ACTR3C: variants seen among roughly 807,000 people sequenced by gnomAD.
The protein encoded by ACTR3C is actin related protein 3C.
In ACTR3C, 18 loss-of-function variants were observed where a neutral mutation model predicts 26.3. The observed-to-expected ratio is 0.68, with a 90% CI of 0.47 to 1.01. ACTR3C has a LOEUF of 1.01. Among genes scored for constraint, ACTR3C ranks in the 50% least tolerant of loss-of-function variants. The pLI, the probability that ACTR3C is intolerant of heterozygous loss-of-function variation, is 0.00. For missense variants in ACTR3C, 184 were observed against 250.7 expected, an observed-to-expected ratio of 0.73 and a Z score of 1.80; for synonymous variants, 55 against 94.5, an observed-to-expected ratio of 0.58 and a Z score of 2.42.
the ACTR3C span, among the ~76,000 whole-genome samples, chr7:149,989,869 T>C: frequency 6.6e-6 from 1 of 152,196 alleles, no homozygotes; most frequent in African/African-American, 2.4e-5. Context: ...CTATTTTCCA[T>C]ATGGCTGTAA....
At chr7:149,968,037 G>A in the ACTR3C span, among the ~76,000 whole-genome samples, 1 of 152,172 alleles carries the variant, frequency 6.6e-6, no homozygotes, top group African/African-American at 2.4e-5. Context: ...CTAAGCTAAC[G>A]CTGGGAACTG....
At chr7:150,299,642 T>A (rs1276042295) in intron 1 of ACTR3C, among the ~76,000 whole-genome samples, 1 of 151,656 alleles carries the variant, frequency 6.6e-6, no homozygotes, top group Non-Finnish European at 1.5e-5. Context: ...AAAAATTAGC[T>A]GGGCGTGGTG....
chr7:149,961,264 A>G, the ACTR3C span, among the ~76,000 whole-genome samples: 1 of 151,840 alleles, frequency 6.6e-6, no homozygotes, highest in Non-Finnish European at 1.5e-5. Context: ...GTGTATACTC[A>G]CAGGAAGTGT....
chr7:150,278,179 C>G (rs1173380564), intron 6 of ACTR3C, among the ~76,000 whole-genome samples: 1 of 152,218 alleles, frequency 6.6e-6, no homozygotes, highest in African/African-American at 2.4e-5. Context: ...CAACACAGAT[C>G]CTGCTGCTGG....
chr7:150,073,748 T>C, the ACTR3C span: 1 of 151,560 alleles, frequency 6.6e-6, no homozygotes, highest in Non-Finnish European at 1.5e-5. Context: ...AGGTATCTCA[T>C]TTGTTTATAT....
At chr7:150,086,728 C>T in the ACTR3C span, among the ~76,000 whole-genome samples, 1 of 152,278 alleles carries the variant, frequency 6.6e-6, no homozygotes, top group South Asian at 2.1e-4. Context: ...GGAGGTGGCC[C>T]TCGGTGGCTG....
the ACTR3C span, among the ~76,000 whole-genome samples, chr7:149,907,682 T>C: frequency 2.0e-5 from 3 of 151,556 alleles, no homozygotes; most frequent in African/African-American, 7.3e-5. Flanking sequence ...TCGCTTCCCG[T>C]CTCTATTAAT....
At chr7:150,147,351 AAAAG>A in the ACTR3C span, among the ~76,000 whole-genome samples, 2 of 152,208 alleles carry the variant, frequency 1.3e-5, no homozygotes, top group Non-Finnish European at 2.9e-5. Flanking sequence ...TATGAAGAAA[AAAAG>A]AGGCCAAAAA....
At chr7:150,216,625 C>G in the ACTR3C span, among the ~76,000 whole-genome samples, 4 of 151,686 alleles carry the variant, frequency 2.6e-5, no homozygotes, top group Non-Finnish European at 5.9e-5. Flanking sequence ...AACAATTATC[C>G]CATCCTACTC....
chr7:150,158,887 C>T, the ACTR3C span, among the ~76,000 whole-genome samples: 29 of 149,746 alleles, frequency 1.9e-4, no homozygotes, highest in Admixed American at 1.3e-3. Flanking sequence ...TGCACACAGA[C>T]GCACAAGGCA....
At chr7:150,183,582 A>T in the ACTR3C span, among the ~76,000 whole-genome samples, 1 of 149,166 alleles carries the variant, frequency 6.7e-6, no homozygotes, top group African/African-American at 2.6e-5. Context: ...TGTAAGTTTT[A>T]ATTGTCATTT....
the ACTR3C span, among the ~76,000 whole-genome samples, chr7:150,038,833 A>C: frequency 1.4e-3 from 192 of 135,256 alleles, 1 homozygote; most frequent in Middle Eastern, 4.0e-3. Flanking sequence ...TGGGGGTCCT[A>C]AGAGCCAGTG....
the ACTR3C span, among the ~76,000 whole-genome samples, chr7:150,065,813 A>C: frequency 2.0e-5 from 3 of 150,876 alleles, no homozygotes; most frequent in South Asian, 6.4e-4. Flanking sequence ...AACTGGCCAA[A>C]CAAATTAATG....
chr7:150,219,875 A>G, the ACTR3C span, among the ~76,000 whole-genome samples: 1 of 144,684 alleles, frequency 6.9e-6, no homozygotes, highest in Non-Finnish European at 1.5e-5. Flanking sequence ...CTGATTGTGA[A>G]AGGGGGAGGG....
intron 6 of ACTR3C, 73 bp downstream of exon 6, chr7:150,284,680 A>G: frequency 8.0e-7 from 1 of 1,254,264 alleles, no homozygotes; most frequent in Non-Finnish European, 1.1e-6. Context: ...ATAGACAGTA[A>G]TACCGTCTTC....
chr7:150,088,389 A>G, the ACTR3C span, among the ~76,000 whole-genome samples: 110 of 152,328 alleles, frequency 7.2e-4, no homozygotes, highest in African/African-American at 2.5e-3. Context: ...TTAGTTTTTA[A>G]TTTAGATCTT....
chr7:150,319,494 A>ACCT (rs887334590), intron 1 of ACTR3C, among the ~76,000 whole-genome samples: 80 of 152,230 alleles, frequency 5.3e-4, no homozygotes, highest in African/African-American at 1.9e-3. Flanking sequence ...GGCATGAGCC[A>ACCT]CCTCGCCTGG....
chr7:150,285,592 CATT>C (rs1378502127), intron 5 of ACTR3C, among the ~76,000 whole-genome samples: 2 of 152,130 alleles, frequency 1.3e-5, no homozygotes, highest in African/African-American at 4.8e-5. Flanking sequence ...ACTAGATTAT[CATT>C]GTTATTATTT....
At chr7:150,244,858 T>C (rs544865425), downstream of ACTR3C, 2 of 152,290 alleles carry the variant, frequency 1.3e-5, no homozygotes, top group East Asian at 3.9e-4. Context: ...TGGCTCCAGA[T>C]ACCCAAACCA....
Sources: allele counts gnomAD v4.1 joint callset (sites outside exome capture counted in the v4.1 genomes callset), GRCh38; gene constraint gnomAD v4.1.1; transcripts MANE v1.5; gene names NCBI Gene and HGNC (gene_info 2026-07-23, HGNC 2026-07-21).